Variants in METTL25 observed in about 807,000 individuals in gnomAD.
The protein encoded by METTL25 is probable methyltransferase-like protein 25.
Under a neutral mutation model 71.6 loss-of-function variants are expected in METTL25, and 64 were observed. That is an observed-to-expected ratio of 0.89 (90% confidence interval 0.73 to 1.10). The LOEUF is 1.10. Ranked by LOEUF, METTL25 falls within the 50% of genes least tolerant of loss-of-function variation. The pLI, the probability that METTL25 is intolerant of heterozygous loss-of-function variation, is 0.00. For missense variants in METTL25, 807 were observed against 707.0 expected (o/e 1.14, Z -1.60); for synonymous variants, 287 against 250.3 (o/e 1.15, Z -1.38).
intron 3 of METTL25, among the ~76,000 whole-genome samples, chr12:82,395,665 G>C (rs796924751): frequency 6.6e-6 from 1 of 152,054 alleles, no homozygotes; most frequent in African/African-American, 2.4e-5. Context: ...ACCACTGCTT[G>C]TAACAATGTT....
At chr12:82,431,101 C>T (rs1437424173) in intron 6 of METTL25, 114 bp downstream of exon 6, 2 of 533,242 alleles carry the variant, frequency 3.8e-6, no homozygotes, top group African/African-American at 3.9e-5. Context: ...CCCATTAATG[C>T]TTTTGTGCAT....
intron 4 of METTL25, among the ~76,000 whole-genome samples, chr12:82,399,653 G>C (rs1886409169): frequency 4.6e-5 from 7 of 152,060 alleles, no homozygotes; most frequent in Admixed American, 4.6e-4. Flanking sequence ...AGTAAACTAA[G>C]TTCTCATTCT....
In METTL25 at chr12:82,409,761, C is replaced by T. The variant is rs971735446; in HGVS notation, c.1279+6631C>T. ...TGCAGGCTTAACTTCATGTTTACCCCCAGCCTTAATATGATATGGGATAAA... is the reference window on the plus strand; with the variant it reads ...TGCAGGCTTAACTTCATGTTTACCCTCAGCCTTAATATGATATGGGATAAA... On this transcript the variant is annotated intron_variant, in intron 5 of 11. Coordinates refer to ENST00000248306, the MANE Select transcript of METTL25 (RefSeq NM_032230.3). Among the ~76,000 whole-genome samples the T allele has an allele frequency of 3.9e-5, 6 of 152,004 alleles. No homozygotes were observed. In the South Asian group the frequency reaches 6.2e-4, roughly 16 times the overall value.
intron 3 of METTL25, among the ~76,000 whole-genome samples, chr12:82,393,451 T>TA (rs1469133231): frequency 6.6e-6 from 1 of 152,092 alleles, no homozygotes; most frequent in East Asian, 1.9e-4. Flanking sequence ...ATAGAAATGA[T>TA]ACTAGTTTTT....
At chr12:82,431,780 C>T (rs997711044) in intron 6 of METTL25, among the ~76,000 whole-genome samples, 1 of 151,598 alleles carries the variant, frequency 6.6e-6, no homozygotes, top group African/African-American at 2.4e-5. Context: ...ACTTAATATA[C>T]CTAACTTACC....
chr12:82,408,613 T>TGTGC (rs1291271601), intron 5 of METTL25, among the ~76,000 whole-genome samples: 1 of 151,624 alleles, frequency 6.6e-6, no homozygotes, highest in Non-Finnish European at 1.5e-5. Context: ...TGTGTGTGTG[T>TGTGC]GTGTGTGTGT....
intron 8 of METTL25, among the ~76,000 whole-genome samples, chr12:82,448,605 T>A (rs965356987): frequency 6.6e-6 from 1 of 152,116 alleles, no homozygotes; most frequent in African/African-American, 2.4e-5. Context: ...AGTATTTTGC[T>A]ACCTATAATT....
chr12:82,388,292 C>T (rs367779501), intron 2 of METTL25, among the ~76,000 whole-genome samples: 1 of 151,908 alleles, frequency 6.6e-6, no homozygotes, highest in Non-Finnish European at 1.5e-5. Context: ...TCTTTGAGTC[C>T]AATTCTTTTA....
intron 5 of METTL25, among the ~76,000 whole-genome samples, chr12:82,415,471 A>C (rs2137075597): frequency 6.6e-6 from 1 of 152,224 alleles, no homozygotes; most frequent in East Asian, 1.9e-4. Flanking sequence ...ACATGTAATT[A>C]GATTTACTAA....
chr12:82,387,647 T>G (rs553432950), intron 2 of METTL25, among the ~76,000 whole-genome samples: 1 of 152,056 alleles, frequency 6.6e-6, no homozygotes, highest in South Asian at 2.1e-4. Flanking sequence ...CTGTATACTT[T>G]TCACCTAGAT....
intron 8 of METTL25, among the ~76,000 whole-genome samples, chr12:82,448,895 A>C (rs568981772): frequency 6.6e-6 from 1 of 152,202 alleles, no homozygotes; most frequent in Non-Finnish European, 1.5e-5. Context: ...CAATAATTTC[A>C]TAAATATTTT....
At chr12:82,359,402 G>C (rs1179411873) in intron 1 of METTL25, among the ~76,000 whole-genome samples, 4 of 152,158 alleles carry the variant, frequency 2.6e-5, no homozygotes, top group Non-Finnish European at 5.9e-5. Flanking sequence ...GAGGCAAGCA[G>C]AGGCCAGATG....
At chr12:82,375,851 C>T (rs2401032) in intron 1 of METTL25, among the ~76,000 whole-genome samples, 140,153 of 152,268 alleles carry the variant, frequency 0.92, 64,866 homozygotes, top group East Asian at 1. Context: ...GCCTGGTTAC[C>T]CTTATATCCC....
At chr12:82,405,103 T>C (rs1277332257) in intron 5 of METTL25, among the ~76,000 whole-genome samples, 1 of 152,210 alleles carries the variant, frequency 6.6e-6, no homozygotes, top group Non-Finnish European at 1.5e-5. Flanking sequence ...CAGTGCTTTC[T>C]TAAGACTGCC....
intron 9 of METTL25, among the ~76,000 whole-genome samples, chr12:82,470,139 T>C (rs1494023): frequency 0.15 from 23,036 of 152,164 alleles, 2,114 homozygotes; most frequent in African/African-American, 0.25. Flanking sequence ...AGAAATAGGA[T>C]TTAAAAATCA....
At chr12:82,370,516 C>G (rs1456097786) in intron 1 of METTL25, among the ~76,000 whole-genome samples, 1 of 152,116 alleles carries the variant, frequency 6.6e-6, no homozygotes, top group Non-Finnish European at 1.5e-5. Context: ...TACTTTTCCC[C>G]TAAGAAAGTG....
At chr12:82,447,039 T>G (rs1890801921) in intron 8 of METTL25, among the ~76,000 whole-genome samples, 1 of 151,180 alleles carries the variant, frequency 6.6e-6, no homozygotes, top group Admixed American at 6.6e-5. Flanking sequence ...GTAGAAAAAC[T>G]TGAAATAAAT....
intron 5 of METTL25, among the ~76,000 whole-genome samples, chr12:82,420,844 T>A (rs2137099567): frequency 6.6e-6 from 1 of 151,334 alleles, no homozygotes; most frequent in East Asian, 2.0e-4. Flanking sequence ...AGTGAACTGA[T>A]GAGGTTTGAT....
chr12:82,395,120 G>C (rs1024954116), intron 3 of METTL25, among the ~76,000 whole-genome samples: 5 of 151,960 alleles, frequency 3.3e-5, no homozygotes. Flanking sequence ...TACTCTGTTA[G>C]GTTGTATTAT....
Sources: allele counts gnomAD v4.1 joint callset (sites outside exome capture counted in the v4.1 genomes callset), GRCh38; gene constraint gnomAD v4.1.1; transcripts MANE v1.5; gene names NCBI Gene and HGNC (gene_info 2026-07-23, HGNC 2026-07-21).